CNTNAP5: variants seen among roughly 807,000 people sequenced by gnomAD.
The protein encoded by CNTNAP5 is contactin associated protein family member 5.
Under a neutral mutation model 150.2 loss-of-function variants are expected in CNTNAP5, and 72 were observed. That is an observed-to-expected ratio of 0.48 (90% CI 0.40 to 0.58). The LOEUF is 0.58. CNTNAP5 is among the 20% of genes least tolerant of loss of function. The pLI is 0.00. For missense variants in CNTNAP5, 1,636 were observed against 1,626.2 expected, an observed-to-expected ratio of 1.01 and a Z score of -0.10; for synonymous variants, 672 against 619.8, an observed-to-expected ratio of 1.08 and a Z score of -1.25.
chr2:124,524,847 G>T (rs1033722208), intron 9 of CNTNAP5, among the ~76,000 whole-genome samples: 1 of 152,306 alleles, frequency 6.6e-6, no homozygotes, highest in East Asian at 1.9e-4. Context: ...AGGTGGAAAG[G>T]CACAATCAGC....
At chr2:124,049,144 T>C (rs528596559) in intron 1 of CNTNAP5, among the ~76,000 whole-genome samples, 1 of 152,332 alleles carries the variant, frequency 6.6e-6, no homozygotes, top group East Asian at 1.9e-4. Context: ...TTTATCACTG[T>C]TAACGTCCCT....
intron 13 of CNTNAP5, among the ~76,000 whole-genome samples, chr2:124,702,357 T>A (rs1679540601): frequency 4.1e-5 from 1 of 24,410 alleles, no homozygotes; most frequent in Non-Finnish European, 1.0e-4. Context: ...TTTTTTTTTT[T>A]TTTTTTTTTT....
At chr2:124,186,846 A>G (rs568964617) in intron 1 of CNTNAP5, among the ~76,000 whole-genome samples, 35 of 152,326 alleles carry the variant, frequency 2.3e-4, no homozygotes. Flanking sequence ...AGATAGTACA[A>G]TTCTTCTGGC....
intron 1 of CNTNAP5, among the ~76,000 whole-genome samples, chr2:124,193,302 C>T (rs1267625357): frequency 3.3e-5 from 5 of 152,156 alleles, no homozygotes; most frequent in Middle Eastern, 3.2e-3. Flanking sequence ...ATTTGTTGAG[C>T]GGGACATAAT....
intron 1 of CNTNAP5, among the ~76,000 whole-genome samples, chr2:124,060,549 C>T (rs1418433673): frequency 6.6e-6 from 1 of 152,244 alleles, no homozygotes; most frequent in African/African-American, 2.4e-5. Context: ...TGGGTATACC[C>T]GTATGGGCCT....
At chr2:124,202,269 C>T (rs1173615650) in intron 1 of CNTNAP5, among the ~76,000 whole-genome samples, 2 of 152,086 alleles carry the variant, frequency 1.3e-5, no homozygotes, top group Non-Finnish European at 2.9e-5. Context: ...AATATTATTA[C>T]TTCAGTGATC....
intron 13 of CNTNAP5, among the ~76,000 whole-genome samples, chr2:124,733,660 C>A (rs1680321979): frequency 6.6e-6 from 1 of 151,998 alleles, no homozygotes; most frequent in African/African-American, 2.4e-5. Context: ...TATTGAAGAG[C>A]AGATTGCTAG....
intron 12 of CNTNAP5, among the ~76,000 whole-genome samples, chr2:124,633,500 G>A (rs1677907412): frequency 6.6e-6 from 1 of 152,208 alleles, no homozygotes; most frequent in African/African-American, 2.4e-5. Context: ...GCTTTGGGAA[G>A]CTCTGCCCCT....
intron 3 of CNTNAP5, among the ~76,000 whole-genome samples, chr2:124,273,219 C>T (rs1295568596): frequency 6.6e-6 from 1 of 152,170 alleles, no homozygotes; most frequent in African/African-American, 2.4e-5. Flanking sequence ...TGCTACCAGA[C>T]TTGCCTATTT....
At chr2:124,214,121 G>A (rs1020232346) in intron 1 of CNTNAP5, among the ~76,000 whole-genome samples, 7 of 152,122 alleles carry the variant, frequency 4.6e-5, no homozygotes, top group Non-Finnish European at 1.0e-4. Context: ...TGGTCTCCCC[G>A]TTGCAGCTGT....
intron 21 of CNTNAP5, among the ~76,000 whole-genome samples, chr2:124,887,337 C>T (rs1336780476): frequency 1.3e-5 from 2 of 152,076 alleles, no homozygotes; most frequent in Non-Finnish European, 2.9e-5. Context: ...ATTAGTAATG[C>T]ATCACAGGTG....
At chr2:124,771,561 A>G (rs1358835150) in intron 16 of CNTNAP5, among the ~76,000 whole-genome samples, 1 of 152,166 alleles carries the variant, frequency 6.6e-6, no homozygotes, top group Non-Finnish European at 1.5e-5. Context: ...TTTGTGTATT[A>G]AAATGAGATA....
intron 8 of CNTNAP5, among the ~76,000 whole-genome samples, chr2:124,521,331 G>A (rs957847161): frequency 3.2e-4 from 48 of 152,134 alleles, no homozygotes; most frequent in African/African-American, 1.1e-3. Context: ...CCCACTGCAG[G>A]CATTGGGGAA....
intron 3 of CNTNAP5, among the ~76,000 whole-genome samples, chr2:124,382,678 T>C (rs755716610): frequency 6.6e-6 from 1 of 152,114 alleles, no homozygotes; most frequent in Non-Finnish European, 1.5e-5. Flanking sequence ...AGAGAGATTA[T>C]TTGCAAGAAC....
intron 13 of CNTNAP5, among the ~76,000 whole-genome samples, chr2:124,651,100 A>T (rs1433213578): frequency 1.3e-5 from 2 of 152,206 alleles, no homozygotes; most frequent in Admixed American, 1.3e-4. Flanking sequence ...ATCTTCCTTC[A>T]ACTTTGGTAA....
intron 1 of CNTNAP5, among the ~76,000 whole-genome samples, chr2:124,060,392 A>G (rs559979886): frequency 1.3e-5 from 2 of 152,348 alleles, no homozygotes; most frequent in East Asian, 1.9e-4. Flanking sequence ...TGGGGGACCG[A>G]TAAAATTATT....
chr2:124,066,978 A>G, intron 1 of CNTNAP5, among the ~76,000 whole-genome samples: 1 of 152,192 alleles, frequency 6.6e-6, no homozygotes, highest in Admixed American at 6.6e-5. Context: ...ATTCAAGACT[A>G]CATTGTACTC....
chr2:124,080,994 A>C (rs1682548366), intron 1 of CNTNAP5, among the ~76,000 whole-genome samples: 1 of 152,180 alleles, frequency 6.6e-6, no homozygotes, highest in Admixed American at 6.5e-5. Context: ...TCTCCAATAA[A>C]ACTTTACAGT....
chr2:124,600,584 C>T (rs900691219), intron 11 of CNTNAP5, among the ~76,000 whole-genome samples: 1 of 152,034 alleles, frequency 6.6e-6, no homozygotes, highest in African/African-American at 2.4e-5. Context: ...ATATGCTGAC[C>T]AGAGCTATGC....
Sources: allele counts gnomAD v4.1 joint callset (sites outside exome capture counted in the v4.1 genomes callset), GRCh38; gene constraint gnomAD v4.1.1; transcripts MANE v1.5; gene names NCBI Gene and HGNC (gene_info 2026-07-23, HGNC 2026-07-21).